NSMCE2: variants seen among roughly 807,000 people sequenced by gnomAD.
NSMCE2 encodes the protein E3 SUMO-protein ligase NSE2.
In NSMCE2, 24 loss-of-function variants were observed where a neutral mutation model predicts 23.8. The ratio of observed to expected loss-of-function variants is 1.01; its 90% CI spans 0.73 to 1.42. The LOEUF (loss-of-function observed/expected upper bound fraction) is 1.42, where lower values mean the gene tolerates loss of function less well. NSMCE2 is among the 40% of genes most tolerant of loss of function. NSMCE2 has a pLI of 0.00. For missense variants in NSMCE2, 284 were observed against 296.5 expected (o/e 0.96, Z 0.31); for synonymous variants, 92 against 94.1 (o/e 0.98, Z 0.13).
chr8:125,294,574 C>G (rs1382707107), intron 5 of NSMCE2, among the ~76,000 whole-genome samples: 1 of 152,178 alleles, frequency 6.6e-6, no homozygotes, highest in Non-Finnish European at 1.5e-5. Context: ...TTTTACCAAT[C>G]TAGGGCTAAA....
intron 5 of NSMCE2, among the ~76,000 whole-genome samples, chr8:125,247,892 T>C (rs10110845): frequency 0.28 from 42,802 of 152,008 alleles, 8,618 homozygotes; most frequent in African/African-American, 0.56. Flanking sequence ...AGTGAACAAG[T>C]GGTGAACTAA....
chr8:125,142,813 G>A (rs1163357850), intron 3 of NSMCE2, among the ~76,000 whole-genome samples: 3 of 152,028 alleles, frequency 2.0e-5, no homozygotes, highest in Non-Finnish European at 2.9e-5. Context: ...TGTTGGTCAG[G>A]CTGGTCTCGA....
chr8:125,272,912 G>A lies in NSMCE2; in HGVS notation c.419-84307G>A, dbSNP rs534420287. ...ATATATATAAAAGGCTGTGTAATAC[G>A]GTGGAAAGAGAACTGACTTGGGAGC... is the stretch of plus-strand genomic sequence containing the variant. On this transcript the variant is annotated intron_variant, in intron 5 of 7. Transcript: ENST00000287437. Among the ~76,000 whole-genome samples, 1,114 of 129,176 alleles carry A rather than the reference G, an allele frequency of 8.6e-3. 74 individuals are homozygous for A. Among genetic ancestry groups the A allele is most frequent in the Non-Finnish European group, 0.015 (877 of 58,988 alleles). 84.7% of individuals were successfully genotyped at this position (129,176 alleles called of 152,430 possible).
intron 5 of NSMCE2, among the ~76,000 whole-genome samples, chr8:125,318,844 G>A (rs1269485625): frequency 2.9e-4 from 44 of 152,164 alleles, no homozygotes; most frequent in African/African-American, 2.4e-5. Context: ...GGGAACCTAG[G>A]CAGATCCTTG....
At chr8:125,185,749 A>G (rs1823065317) in intron 5 of NSMCE2, among the ~76,000 whole-genome samples, 1 of 152,234 alleles carries the variant, frequency 6.6e-6, no homozygotes, top group African/African-American at 2.4e-5. Context: ...GTTAATATAA[A>G]CAGTATTTGA....
chr8:125,183,986 T>G (rs1822955570), intron 5 of NSMCE2, among the ~76,000 whole-genome samples: 1 of 152,112 alleles, frequency 6.6e-6, no homozygotes, highest in Admixed American at 6.6e-5. Context: ...AATGCAATAG[T>G]TTTTTGTCAA....
chr8:125,331,788 C>T (rs1459496615), intron 5 of NSMCE2, among the ~76,000 whole-genome samples: 2 of 152,102 alleles, frequency 1.3e-5, no homozygotes, highest in African/African-American at 4.8e-5. Flanking sequence ...AAAGTTTCAG[C>T]GTATAGCATG....
At chr8:125,320,372 C>G (rs989040411) in intron 5 of NSMCE2, among the ~76,000 whole-genome samples, 31 of 151,186 alleles carry the variant, frequency 2.1e-4, no homozygotes, top group African/African-American at 7.3e-4. Flanking sequence ...AACTGTGAAC[C>G]CACAGTTTTC....
Position 125,264,313 on chromosome 8 carries a change from A to G in NSMCE2, c.418+82057A>G, listed in dbSNP as rs149748865. 1.1e-3 allele frequency among the ~76,000 whole-genome samples: 166 copies of G among 152,308 alleles called. 1 individual carries two copies. Among genetic ancestry groups the G allele is most frequent in the East Asian group, 9.4e-3 (49 of 5,188 alleles). Reference sequence around the variant, plus strand: ...TAAAAAGGTTATAACCCTCAACAGGATGGAGAACATATGCCTTATGTATAT... The same window carrying G: ...TAAAAAGGTTATAACCCTCAACAGGGTGGAGAACATATGCCTTATGTATAT... On this transcript the variant is annotated intron_variant, in intron 5 of 7. Transcript: ENST00000287437.
chr8:125,170,489 C>T (rs954643156), intron 4 of NSMCE2, among the ~76,000 whole-genome samples: 2 of 143,830 alleles, frequency 1.4e-5, no homozygotes, highest in African/African-American at 5.0e-5. Flanking sequence ...TCACTGCAAA[C>T]TCCACCTCCC....
At chr8:125,219,138 A>G (rs1250084299) in intron 5 of NSMCE2, among the ~76,000 whole-genome samples, 1 of 152,222 alleles carries the variant, frequency 6.6e-6, no homozygotes, top group Non-Finnish European at 1.5e-5. Flanking sequence ...AACCATTAAT[A>G]ATATACTCCA....
intron 5 of NSMCE2, among the ~76,000 whole-genome samples, chr8:125,313,408 A>T (rs944364092): frequency 2.0e-5 from 3 of 152,184 alleles, no homozygotes; most frequent in Non-Finnish European, 2.9e-5. Flanking sequence ...ACTGTGTTTT[A>T]GAATTATCCC....
chr8:125,144,066 T>G (rs1039315478), intron 3 of NSMCE2, among the ~76,000 whole-genome samples: 3 of 152,154 alleles, frequency 2.0e-5, no homozygotes, highest in Non-Finnish European at 4.4e-5. Context: ...AAAGTCCTTA[T>G]TTTCATGTCT....
intron 3 of NSMCE2, among the ~76,000 whole-genome samples, chr8:125,146,916 A>C (rs1046336523): frequency 9.2e-5 from 14 of 152,136 alleles, no homozygotes; most frequent in African/African-American, 2.7e-4. Context: ...ACAAAAAAAA[A>C]CAAACTACCT....
At position 125,363,943 on chromosome 8, in the gene NSMCE2, GTTTGT is replaced by G. The variant is rs545308641; in HGVS notation, c.627-2810_627-2806del. Among the ~76,000 whole-genome samples, 28 of 150,902 alleles carry G rather than the reference GTTTGT, an allele frequency of 1.9e-4. 1 individual carries two copies. The South Asian group carries it at 5.5e-3, about 29-fold the overall frequency. On this transcript the variant is annotated intron_variant, in intron 7 of 7. Coordinates refer to ENST00000287437, the MANE Select transcript of NSMCE2 (RefSeq NM_173685.4). ...TGAGTATGTAGGGCACTTTTTTTTT[GTTTGT>G]TTTGTTTTGTTTTGAGACAGAGTCT...
At chr8:125,279,620 T>C (rs377585366) in intron 5 of NSMCE2, among the ~76,000 whole-genome samples, 2 of 152,334 alleles carry the variant, frequency 1.3e-5, no homozygotes, top group East Asian at 3.9e-4. Context: ...TGCATTAAGA[T>C]AGAAAGGTTG....
intron 5 of NSMCE2, among the ~76,000 whole-genome samples, chr8:125,251,532 C>A (rs1826197270): frequency 1.3e-5 from 2 of 152,150 alleles, no homozygotes; most frequent in African/African-American, 4.8e-5. Flanking sequence ...TATGGGTAGA[C>A]ATGGAGTTTG....
At chr8:125,233,968 A>T (rs1350388653) in intron 5 of NSMCE2, among the ~76,000 whole-genome samples, 4 of 149,900 alleles carry the variant, frequency 2.7e-5, no homozygotes, top group Admixed American at 1.3e-4. Flanking sequence ...TGAAGTCAGG[A>T]GATCGAGACC....
chr8:125,181,495 C>T (rs1448138230), intron 4 of NSMCE2, among the ~76,000 whole-genome samples: 1 of 152,086 alleles, frequency 6.6e-6, no homozygotes, highest in East Asian at 1.9e-4. Flanking sequence ...TTCCTTCAAC[C>T]TTTCTGCATA....
Sources: gnomAD v4.1 joint callset for allele counts (sites outside exome capture counted in the v4.1 genomes callset) on GRCh38, gnomAD v4.1.1 for gene constraint, MANE v1.5 for transcripts, NCBI Gene and HGNC (gene_info 2026-07-23, HGNC 2026-07-21) for gene names.